Variants in SERINC2 observed in about 807,000 individuals in gnomAD.
SERINC2 encodes the protein tumor differentially expressed protein 2.
A neutral mutation model predicts 54.2 loss-of-function variants in SERINC2; 56 were observed. The ratio of observed to expected loss-of-function variants is 1.03; its 90% CI spans 0.83 to 1.29. SERINC2 has a LOEUF of 1.29. Ranked by LOEUF, SERINC2 falls within the 50% of genes most tolerant of loss-of-function variation. The pLI, the probability that SERINC2 is intolerant of heterozygous loss-of-function variation, is 0.00. For synonymous variants in SERINC2, 272 were observed against 253.1 expected, an observed-to-expected ratio of 1.07 and a Z score of -0.71; for missense variants, 614 against 607.4, an observed-to-expected ratio of 1.01 and a Z score of -0.12.
intron 8 of SERINC2, among the ~76,000 whole-genome samples, chr1:31,431,760 G>GAGGGTGGATAGGGTGGAC (rs1641211421): frequency 9.6e-6 from 1 of 103,684 alleles, no homozygotes; most frequent in African/African-American, 3.6e-5. Context: ...ATAGGGTGGA[G>GAGGGTGGATAGGGTGGAC]AGGGTGGAGA....
intron 1 of SERINC2, among the ~76,000 whole-genome samples, chr1:31,423,024 C>T (rs2148517112): frequency 6.6e-6 from 1 of 152,356 alleles, no homozygotes; most frequent in East Asian, 1.9e-4. Flanking sequence ...GTGACTGGTA[C>T]TATGCCAAAC....
intron 8 of SERINC2, among the ~76,000 whole-genome samples, chr1:31,431,831 A>ATAGGATGGT (rs1641230764): frequency 1.6e-5 from 2 of 122,990 alleles, no homozygotes; most frequent in African/African-American, 6.8e-5. Flanking sequence ...GATAGGGTGG[A>ATAGGATGGT]TAGGGTGGAT....
rs1436534175 is a variant in SERINC2 at position 31,413,510 on chromosome 1, G to C, written c.39+206G>C. 1.3e-5 allele frequency among the ~76,000 whole-genome samples: 2 copies of C among 151,878 alleles called. No homozygotes were observed. The highest frequency in any genetic ancestry group is 1.3e-4 in the Admixed American group (2 of 15,272). On this transcript the variant is annotated intron_variant, in intron 1 of 9. Transcript: ENST00000373709. This position sits in a 1 kb window ranked among gnomAD's most constrained non-coding sequence, Gnocchi z 5.0. Reference sequence around the variant, plus strand: ...CCCGTCCCCCTGCTCAGTCCTGGCCGGCAGGCGCCGGGCAGCTGCGGTCCC... The same window carrying C: ...CCCGTCCCCCTGCTCAGTCCTGGCCCGCAGGCGCCGGGCAGCTGCGGTCCC...
rs1184328936 is a variant in SERINC2 at position 31,432,156 on chromosome 1, C to CAGGGTGGAT, written c.1014-785_1014-777dup. Among the ~76,000 whole-genome samples, 7 of 4,558 alleles carry CAGGGTGGAT rather than the reference C, an allele frequency of 1.5e-3. 2 individuals are homozygous for CAGGGTGGAT. Among genetic ancestry groups the CAGGGTGGAT allele is most frequent in the African/African-American group, 4.5e-3 (5 of 1,114 alleles). 3.0% of individuals were successfully genotyped at this position (4,558 alleles called of 152,430 possible). A position where few individuals can be genotyped will look rare whatever the true frequency, so the allele number is the denominator to read the frequency against. On this transcript the variant is annotated intron_variant, in intron 8 of 9. Transcript: ENST00000373709. The stretch of plus-strand genomic sequence containing the variant: ...GGGTGGACAGGGTGGACAGGGTGGA[C>CAGGGTGGAT]AGGGTGGATAGGGTGGATAGGGTGG...
intron 1 of SERINC2, chr1:31,414,134 G>A (rs996173432): frequency 2.9e-5 from 42 of 1,425,256 alleles, no homozygotes; most frequent in Non-Finnish European, 3.8e-5. Context: ...AGGTTCGGGT[G>A]TGCGCGGGGA....
At chr1:31,425,095 G>A (rs1641002706) in intron 3 of SERINC2, among the ~76,000 whole-genome samples, 1 of 152,204 alleles carries the variant, frequency 6.6e-6, no homozygotes, top group Admixed American at 6.5e-5. Flanking sequence ...TGACACAGCT[G>A]GGGCTGGACC....
chr1:31,431,823 TAG>T (rs1557499945), intron 8 of SERINC2, among the ~76,000 whole-genome samples: 61 of 28,460 alleles, frequency 2.1e-3, no homozygotes, highest in South Asian at 4.9e-3. Flanking sequence ...ACAGGGTGGA[TAG>T]GGTGGATAGG....
At chr1:31,432,087 G>T (rs1342905982) in intron 8 of SERINC2, among the ~76,000 whole-genome samples, 1 of 121,068 alleles carries the variant, frequency 8.3e-6, no homozygotes, top group African/African-American at 3.5e-5. Context: ...GGGTGGTTAG[G>T]GTGGACAGGG....
rs868910556 is a variant in SERINC2 at position 31,434,517 on chromosome 1, G to T, written c.*318G>T. 2.5e-5 allele frequency: 9 copies of T among 359,812 alleles called. 1 individual carries two copies. The highest frequency in any genetic ancestry group is 8.2e-5 in the African/African-American group (4 of 48,880). 22.3% of individuals were successfully genotyped at this position (359,812 alleles called of 1,614,324 possible). ...TGTCCTCAGGCTCCACGGGAGCGGG[G>T]CTGCTGGAGAGAGCGGGGAACTCCC... On this transcript the variant is annotated 3_prime_UTR_variant, in exon 10 of 10. Coordinates refer to ENST00000373709, the MANE Select transcript of SERINC2 (RefSeq NM_178865.5).
At chr1:31,423,599 C>A in intron 1 of SERINC2, 94 bp from the exon 2 acceptor site, 1 of 1,306,532 alleles carries the variant, frequency 7.7e-7, no homozygotes, top group Non-Finnish European at 1.1e-6. Flanking sequence ...TCCTGCCTAG[C>A]GCAGCACAGA....
Position 31,416,641 on chromosome 1 carries a change from G to A in SERINC2, c.39+3337G>A, listed in dbSNP as rs76997884. 2.0e-3 allele frequency among the ~76,000 whole-genome samples: 298 copies of A among 152,350 alleles called. 5 individuals are homozygous for A. The East Asian group carries it at 0.045, about 23-fold the overall frequency. ...AGTTTTGCATTTTTTAAACTGTGAC[G>A]AAATACATGTTAAAAAATTTACTCT... On this transcript the variant is annotated intron_variant, in intron 1 of 9. Coordinates refer to ENST00000373709, the MANE Select transcript of SERINC2 (RefSeq NM_178865.5).
intron 8 of SERINC2, among the ~76,000 whole-genome samples, chr1:31,431,150 G>C (rs1641186111): frequency 6.8e-6 from 1 of 148,044 alleles, no homozygotes; most frequent in African/African-American, 2.5e-5. Flanking sequence ...TTTGAGACAG[G>C]GTCTTCCTCT....
Position 31,425,336 on chromosome 1 carries a change from G to A in SERINC2, c.399G>A (p.Trp133Ter). The A allele has an allele frequency of 6.2e-7, 1 of 1,611,952 alleles. No homozygotes were observed. Among genetic ancestry groups the A allele is most frequent in the Non-Finnish European group, 8.5e-7 (1 of 1,178,014 alleles). The change falls in exon 4 of 10, where the codon TGG (tryptophan) becomes TGA (stop). Residue 133 changes from tryptophan (W) to a stop codon, truncating the protein, a stop_gained. Coordinates refer to ENST00000373709, the MANE Select transcript of SERINC2 (RefSeq NM_178865.5). LOFTEE classifies it high-confidence loss of function. Reference sequence around the variant, plus strand: ...TCCCCGACCCCTTCTGTAGGTTTTGGTTCTTTAAGTTCCTGATCCTGGTGG... The same window carrying A: ...TCCCCGACCCCTTCTGTAGGTTTTGATTCTTTAAGTTCCTGATCCTGGTGG... ...DPRAAIQNGF[W>*]FFKFLILVGL...
In SERINC2 at chr1:31,414,454, TGA is replaced by T. The variant is rs149012313; in HGVS notation, c.39+1170_39+1171del. 2,497 of 732,034 alleles carry T rather than the reference TGA, an allele frequency of 3.4e-3. 145 individuals carry two copies. The highest frequency in any genetic ancestry group is 4.9e-3 in the East Asian group (30 of 6,096). The allele number at this position is 732,034 out of a possible 1,614,324, so 45.3% of individuals were successfully genotyped here. A position where few individuals can be genotyped will look rare whatever the true frequency, so the allele number is the denominator to read the frequency against. ...GTGTGTGTGTGTGTGTGTGTGTGTG[TGA>T]GAGAGAGAGAGAGAGAGAGGAGGGG... On this transcript the variant is annotated intron_variant, in intron 1 of 9. Transcript: ENST00000373709.
Position 31,432,080 on chromosome 1 carries a change from T to TGGACAG in SERINC2, c.1014-885_1014-884insACAGGG, listed in dbSNP as rs1557501026. 6.1e-4 allele frequency among the ~76,000 whole-genome samples: 70 copies of TGGACAG among 114,608 alleles called. 6 individuals carry two copies. The highest frequency in any genetic ancestry group is 5.4e-3 in the Middle Eastern group (1 of 186). The allele number at this position is 114,608 out of a possible 152,430, so 75.2% of individuals were successfully genotyped here. ...GACAGGGTGGACAGGGTGGACAGGG[T>TGGACAG]GGTTAGGGTGGACAGGGTGGACAGG... On this transcript the variant is annotated intron_variant, in intron 8 of 9. Coordinates refer to ENST00000373709, the MANE Select transcript of SERINC2 (RefSeq NM_178865.5).
chr1:31,409,951 A>G (rs1283251215), upstream of SERINC2: 20 of 1,142,246 alleles, frequency 1.8e-5, no homozygotes, highest in African/African-American at 3.1e-5. Flanking sequence ...CAGTGAGATC[A>G]GATTAGAGAA....
upstream of SERINC2, chr1:31,409,793 C>A: frequency 1.9e-6 from 3 of 1,549,714 alleles, no homozygotes; most frequent in Non-Finnish European, 1.7e-6. Flanking sequence ...GACAGCGAAG[C>A]CCAAGGGATA....
intron 1 of SERINC2, among the ~76,000 whole-genome samples, chr1:31,422,143 A>G (rs1332963479): frequency 6.6e-6 from 1 of 151,808 alleles, no homozygotes; most frequent in Non-Finnish European, 1.5e-5. Flanking sequence ...TACAAAAAAT[A>G]CAAAAATTAA....
intron 3 of SERINC2, 23 bp downstream of exon 3, chr1:31,424,896 C>A: frequency 6.3e-7 from 1 of 1,589,928 alleles, no homozygotes; most frequent in Non-Finnish European, 8.6e-7. Context: ...TCCCTGCCTG[C>A]ACCCTGGGAC....
Sources: allele counts gnomAD v4.1 joint callset (sites outside exome capture counted in the v4.1 genomes callset), GRCh38; gene constraint gnomAD v4.1.1; non-coding constraint Gnocchi (gnomAD v3.1); transcripts MANE v1.5; gene names NCBI Gene and HGNC (gene_info 2026-07-23, HGNC 2026-07-21).